EML1: variants seen among roughly 807,000 people sequenced by gnomAD.
The protein encoded by EML1 is EMAP like 1, also known as echinoderm microtubule-associated protein-like 1.
Under a neutral mutation model 110.4 loss-of-function variants are expected in EML1, and 27 were observed. The observed-to-expected ratio is 0.24, with a 90% CI of 0.18 to 0.34. The LOEUF is 0.34. EML1 is among the 10% of genes least tolerant of loss of function. EML1 has a pLI of 1.00. For missense variants in EML1, 741 were observed against 1,030.9 expected (o/e 0.72, Z 3.85); for synonymous variants, 344 against 385.8 (o/e 0.89, Z 1.27).
chr14:99,911,312 T>G, intron 12 of EML1, 110 bp from the exon 13 acceptor site: 1 of 1,255,732 alleles, frequency 8.0e-7, no homozygotes, highest in South Asian at 1.7e-5. Context: ...ATTGCAATGA[T>G]GTGCTCACGG....
At position 99,939,141 on chromosome 14, in the gene EML1, A is replaced by T. The variant is rs1279368142; in HGVS notation, c.2192-56A>T. The T allele has an allele frequency of 5.6e-6, 9 of 1,601,982 alleles. No homozygotes were observed. Among genetic ancestry groups the T allele is most frequent in the Non-Finnish European group, 7.7e-6 (9 of 1,173,812 alleles). ...CCGTTCAGTGGGCGCTTCCTGCGCC[A>T]TGTGGCCCTGTGGCCCCTGGTGTTT... On this transcript the variant is annotated intron_variant, in intron 20 of 21. Coordinates refer to ENST00000262233, the MANE Select transcript of EML1 (RefSeq NM_004434.3). The surrounding 1 kb of genome is among the most constrained non-coding windows in gnomAD (Gnocchi z 4.2).
intron 2 of EML1, among the ~76,000 whole-genome samples, chr14:99,860,228 CT>C (rs1387210410): frequency 1.3e-5 from 2 of 152,094 alleles, no homozygotes; most frequent in Non-Finnish European, 2.9e-5. Flanking sequence ...CCTTTTGGTG[CT>C]GTGTTTGTTG....
chr14:99,935,989 ATTG>A (rs3215696), intron 17 of EML1, 37 bp from the exon 18 acceptor site: 430,328 of 1,586,468 alleles, frequency 0.27, 60,589 homozygotes, highest in East Asian at 0.43. Context: ...CAAAATGTGT[ATTG>A]TTAACATCTG....
intron 12 of EML1, among the ~76,000 whole-genome samples, chr14:99,910,899 C>T (rs1000238933): frequency 6.6e-6 from 1 of 152,148 alleles, no homozygotes; most frequent in Admixed American, 6.5e-5. Context: ...GGAAAATCCA[C>T]CATCCCTTTT....
rs1272020856 is a variant in EML1 at position 99,939,627 on chromosome 14, C to G, written c.2322+300C>G. Among the ~76,000 whole-genome samples, 3 of 152,148 alleles carry G rather than the reference C, an allele frequency of 2.0e-5. No individual in the cohort carries two copies. Among genetic ancestry groups the G allele is most frequent in the Non-Finnish European group, 4.4e-5 (3 of 68,028 alleles). On this transcript the variant is annotated intron_variant, in intron 21 of 21. Transcript: ENST00000262233. This position sits in a 1 kb window ranked among gnomAD's most constrained non-coding sequence, Gnocchi z 4.2. ...CTGCTCAGCCGCGCCAGCCCTGAGC[C>G]CTGGGACGCCCTTCTTCATCCTCCG...
At chr14:99,801,226 G>A (rs1223103407) in intron 1 of EML1, among the ~76,000 whole-genome samples, 15 of 152,208 alleles carry the variant, frequency 9.9e-5, no homozygotes, top group African/African-American at 1.4e-4. Context: ...ACTTGAGTCC[G>A]TTTGGCAAAT....
At chr14:99,876,340 C>T (rs1158188985) in intron 3 of EML1, among the ~76,000 whole-genome samples, 1 of 152,178 alleles carries the variant, frequency 6.6e-6, no homozygotes, top group Non-Finnish European at 1.5e-5. Context: ...ATCTGGTCCC[C>T]GTGCACCCTT....
intron 20 of EML1, among the ~76,000 whole-genome samples, chr14:99,938,179 TC>T (rs2060509915): frequency 6.6e-6 from 1 of 152,044 alleles, no homozygotes. Context: ...CCTGGAACCC[TC>T]TCCTATCAGG....
At chr14:99,931,985 T>A (rs1487038230) in intron 17 of EML1, among the ~76,000 whole-genome samples, 1 of 152,134 alleles carries the variant, frequency 6.6e-6, no homozygotes. Context: ...AGGGAACGTT[T>A]CTCCTGGTTC....
intron 5 of EML1, 31 bp downstream of exon 5, chr14:99,891,258 C>T (rs996085940): frequency 6.8e-6 from 11 of 1,613,410 alleles, no homozygotes; most frequent in Middle Eastern, 1.7e-4. Context: ...GTATGGGAAC[C>T]CCTCACTCAC....
intron 1 of EML1, among the ~76,000 whole-genome samples, chr14:99,796,612 C>G (rs1253239458): frequency 6.6e-6 from 1 of 150,896 alleles, no homozygotes; most frequent in African/African-American, 2.4e-5. Flanking sequence ...ACCTCAGTCT[C>G]TCAAGTAGCT....
chr14:99,842,824 C>CT (rs2058653171), intron 1 of EML1, among the ~76,000 whole-genome samples: 1 of 152,164 alleles, frequency 6.6e-6, no homozygotes, highest in Admixed American at 6.5e-5. Context: ...CAAGGTTATA[C>CT]TACAGAGACC....
At chr14:99,821,166 G>T (rs1196350189) in intron 1 of EML1, among the ~76,000 whole-genome samples, 1 of 152,010 alleles carries the variant, frequency 6.6e-6, no homozygotes, top group Non-Finnish European at 1.5e-5. Context: ...AGGACCGTAG[G>T]CATGTGCCAC....
At chr14:99,916,793 A>G (rs556927779) in intron 15 of EML1, among the ~76,000 whole-genome samples, 4 of 152,304 alleles carry the variant, frequency 2.6e-5, no homozygotes, top group African/African-American at 9.6e-5. Context: ...GAGTGGCCAC[A>G]TCTCACCTTC....
At chr14:99,767,534 G>A (rs544162438) in intron 1 of EML1, among the ~76,000 whole-genome samples, 9 of 152,210 alleles carry the variant, frequency 5.9e-5, no homozygotes, top group East Asian at 3.9e-4. Context: ...CCCAGGAAGC[G>A]GAGAGGCGGA....
intron 1 of EML1, among the ~76,000 whole-genome samples, chr14:99,757,572 C>T (rs898161307): frequency 3.3e-5 from 5 of 152,182 alleles, no homozygotes; most frequent in East Asian, 1.9e-4. Context: ...GATGAGGAAG[C>T]GTGCTGGTTA....
At chr14:99,764,641 C>T (rs1040732872) in intron 1 of EML1, among the ~76,000 whole-genome samples, 7 of 152,342 alleles carry the variant, frequency 4.6e-5, no homozygotes, top group African/African-American at 1.7e-4. Flanking sequence ...GGAAGTGCCG[C>T]TGCAAGGAGA....
intron 6 of EML1, among the ~76,000 whole-genome samples, 157 bp from the exon 7 acceptor site, chr14:99,896,988 T>C (rs1398315187): frequency 6.6e-6 from 1 of 152,206 alleles, no homozygotes; most frequent in Non-Finnish European, 1.5e-5. Context: ...GGGGGTCACA[T>C]GTATTTGTCA....
At chr14:99,806,914 G>A (rs887676818) in intron 1 of EML1, among the ~76,000 whole-genome samples, 7 of 152,144 alleles carry the variant, frequency 4.6e-5, no homozygotes, top group African/African-American at 1.7e-4. Flanking sequence ...CCAATAACAT[G>A]CATTCTCTCC....
Sources: gnomAD v4.1 joint callset for allele counts (sites outside exome capture counted in the v4.1 genomes callset) on GRCh38, gnomAD v4.1.1 for gene constraint, Gnocchi (gnomAD v3.1) non-coding constraint, MANE v1.5 for transcripts, NCBI Gene and HGNC (gene_info 2026-07-23, HGNC 2026-07-21) for gene names.